The following PCF11 variants were observed in gnomAD, a reference collection of about 807,000 sequenced individuals.
PCF11 encodes PCF11 cleavage and polyadenylation factor subunit, also known as pre-mRNA cleavage complex 2 protein Pcf11.
A neutral mutation model predicts 166.1 loss-of-function variants in PCF11; 19 were observed. The observed-to-expected ratio is 0.11, with a 90% CI of 0.08 to 0.17. The LOEUF (loss-of-function observed/expected upper bound fraction) is 0.17. Ranked by LOEUF, PCF11 falls within the 10% of genes least tolerant of loss-of-function variation. The probability of loss-of-function intolerance (pLI) is 1.00; values close to 1 mark genes in which losing one functional copy is unlikely to be tolerated. For missense variants in PCF11, 1,565 were observed against 1,855.5 expected (o/e 0.84, Z 2.88); for synonymous variants, 663 against 644.1 (o/e 1.03, Z -0.44).
At chr11:83,176,845 CA>C (rs879497723) in intron 9 of PCF11, among the ~76,000 whole-genome samples, 15 of 143,046 alleles carry the variant, frequency 1.0e-4, no homozygotes, top group Admixed American at 2.8e-4. Flanking sequence ...AATAAAAAAA[CA>C]AAAAAAAAAG....
At chr11:83,175,622 G>A (rs1283811978) in intron 9 of PCF11, among the ~76,000 whole-genome samples, 1 of 152,162 alleles carries the variant, frequency 6.6e-6, no homozygotes, top group East Asian at 1.9e-4. Context: ...GGGTGTGGTG[G>A]CACGCACCTG....
intron 9 of PCF11, among the ~76,000 whole-genome samples, chr11:83,172,237 G>C (rs1396195968): frequency 1.3e-5 from 2 of 152,202 alleles, no homozygotes; most frequent in South Asian, 4.1e-4. Context: ...ATAAATGACA[G>C]ACCTTAGAAA....
Position 83,161,454 on chromosome 11 carries a change from T to TA in PCF11, c.318+3dup, listed in dbSNP as rs1323463829. On this transcript the variant is annotated splice_region_variant and intron_variant, in intron 2 of 15. Transcript: ENST00000298281. ...ACATTTATTTGTGTGTTTGAAAAGG[T>TA]ACATATGCATTTAGAAACATTTGCG... 1 of 1,555,228 alleles carries TA rather than the reference T, an allele frequency of 6.4e-7. No homozygotes were observed. Among genetic ancestry groups the TA allele is most frequent in the East Asian group, 2.3e-5 (1 of 43,514 alleles).
At chr11:83,160,616 C>T (rs922039943) in intron 1 of PCF11, among the ~76,000 whole-genome samples, 4 of 152,032 alleles carry the variant, frequency 2.6e-5, no homozygotes, top group Non-Finnish European at 4.4e-5. Flanking sequence ...GAAAATATCT[C>T]GGCGGAGAGT....
chr11:83,168,027 G>GT (rs1445456661), intron 7 of PCF11, 129 bp downstream of exon 7: 14 of 756,334 alleles, frequency 1.9e-5, no homozygotes, highest in Non-Finnish European at 2.4e-5. Context: ...ATTTTGTTAT[G>GT]TTTTTTCCCT....
chr11:83,162,782 T>G (rs181918645), intron 2 of PCF11, among the ~76,000 whole-genome samples: 71 of 152,348 alleles, frequency 4.7e-4, no homozygotes, highest in Non-Finnish European at 9.1e-4. Flanking sequence ...CTTTTTCTTT[T>G]TTTTGTTTTG....
exon 16 of PCF11, chr11:83,185,175 A>G (rs866273533): frequency 4.1e-6 from 1 of 241,566 alleles, no homozygotes; most frequent in South Asian, 1.0e-4. Context: ...GTGCAACTGT[A>G]AATTATAAAT....
exon 16 of PCF11, chr11:83,186,716 G>A (rs879835695): frequency 6.6e-6 from 1 of 152,196 alleles, no homozygotes; most frequent in African/African-American, 2.4e-5. Context: ...GAGAGGTCCA[G>A]TGGGAAAACT....
rs1302194516 is a variant in PCF11 at position 83,161,315 on chromosome 11, C to A, written c.193-12C>A. On this transcript the variant is annotated splice_polypyrimidine_tract_variant and intron_variant, in intron 1 of 15. Transcript: ENST00000298281. ...TTCATTATACTAAACTTCTCAGTTTCTTTTTATTCAGGCTCCTTCCTCAGA... is the reference window on the plus strand; with the variant it reads ...TTCATTATACTAAACTTCTCAGTTTATTTTTATTCAGGCTCCTTCCTCAGA... The A allele has an allele frequency of 4.4e-6, 7 of 1,585,056 alleles. No homozygotes were observed. Among genetic ancestry groups the A allele is most frequent in the Non-Finnish European group, 6.0e-6 (7 of 1,168,908 alleles).
chr11:83,166,124 G>T lies in PCF11; in HGVS notation c.1227G>T (p.Gln409His), dbSNP rs779660855. 6.8e-6 allele frequency: 11 copies of T among 1,610,862 alleles called. No homozygotes were observed. In the South Asian group the frequency reaches 1.1e-4, roughly 16 times the overall value. Residue 409 changes from glutamine to histidine, a missense_variant, in exon 5 of 16, where the codon CAG becomes CAT. Around this residue, in one of 12 missense-constraint regions of PCF11, gnomAD observed 468 missense variants for 483.4 expected, o/e 0.97. Transcript: ENST00000298281. The stretch of plus-strand genomic sequence containing the variant: ...ATCCAAGATTAAAAAAACATCTTCA[G>T]GATAAGACCGATGGCAAAGATGATG...
intron 7 of PCF11, 136 bp downstream of exon 7, chr11:83,168,034 C>A: frequency 1.4e-6 from 1 of 710,176 alleles, no homozygotes; most frequent in Non-Finnish European, 2.0e-6. Flanking sequence ...TATGTTTTTT[C>A]CCTTTAAGGA....
chr11:83,160,176 T>C (rs1171731220), intron 1 of PCF11, among the ~76,000 whole-genome samples: 1 of 152,124 alleles, frequency 6.6e-6, no homozygotes, highest in East Asian at 1.9e-4. Context: ...TCCACACACT[T>C]GTATGGGCAA....
exon 16 of PCF11, chr11:83,185,791 G>T (rs1861269733): frequency 6.6e-6 from 1 of 152,396 alleles, no homozygotes; most frequent in South Asian, 2.1e-4. Flanking sequence ...GAATGATGAA[G>T]AAACTTTGTT....
chr11:83,177,011 A>T (rs928325060), intron 9 of PCF11, 74 bp from the exon 10 acceptor site: 78 of 1,069,284 alleles, frequency 7.3e-5, no homozygotes, highest in Non-Finnish European at 9.3e-5. Flanking sequence ...AAAAATGCTT[A>T]GTATAATTTG....
chr11:83,184,874 G>A (rs1249104371), exon 16 of PCF11: 2 of 1,563,204 alleles, frequency 1.3e-6, no homozygotes, highest in Non-Finnish European at 1.7e-6. Context: ...AACAGAAAAT[G>A]ACACAGTCGA....
At chr11:83,182,657 TAGC>T (rs1861123797) in intron 14 of PCF11, among the ~76,000 whole-genome samples, 166 bp downstream of exon 14, 1 of 152,180 alleles carries the variant, frequency 6.6e-6, no homozygotes, top group Non-Finnish European at 1.5e-5. Flanking sequence ...GAAGGGATCT[TAGC>T]AGTCACCCGG....
At chr11:83,170,589 C>T (rs1260536963) in intron 8 of PCF11, among the ~76,000 whole-genome samples, 1 of 152,122 alleles carries the variant, frequency 6.6e-6, no homozygotes, top group Admixed American at 6.5e-5. Flanking sequence ...GCACTGTTAC[C>T]TGTTGGTATT....
intron 11 of PCF11, chr11:83,180,024 G>A (rs1861032313): frequency 1.3e-5 from 2 of 151,408 alleles, no homozygotes; most frequent in African/African-American, 2.4e-5. Context: ...TATTAATATT[G>A]TGACTAGATG....
chr11:83,186,772 C>T (rs562742767), exon 16 of PCF11: 10 of 152,156 alleles, frequency 6.6e-5, no homozygotes, highest in Non-Finnish European at 1.2e-4. Context: ...GCTGAACTTA[C>T]GTATATGAAC....
Sources: gnomAD v4.1 joint callset for allele counts (sites outside exome capture counted in the v4.1 genomes callset) on GRCh38, gnomAD v4.1.1 for gene constraint, gnomAD v4.1.1 regional missense constraint, MANE v1.5 for transcripts, NCBI Gene and HGNC (gene_info 2026-07-23, HGNC 2026-07-21) for gene names.